KLHL1: variants seen among roughly 807,000 people sequenced by gnomAD.
The protein encoded by KLHL1 is kelch-like protein 1.
In KLHL1, 47 loss-of-function variants were observed where a neutral mutation model predicts 77.7. The observed-to-expected ratio is 0.60, with a 90% CI of 0.48 to 0.77. KLHL1 has a LOEUF of 0.77. KLHL1 is among the 30% of genes least tolerant of loss of function. The pLI is 0.00. For missense variants in KLHL1, 925 were observed against 910.8 expected (o/e 1.02, Z -0.20); for synonymous variants, 360 against 325.2 (o/e 1.11, Z -1.15).
chr13:69,813,503 C>CAT (rs1555270606), intron 6 of KLHL1, among the ~76,000 whole-genome samples: 1,951 of 148,888 alleles, frequency 0.013, 16 homozygotes, highest in African/African-American at 0.019. Context: ...CACACACACA[C>CAT]ATATATATAT....
chr13:69,861,785 T>TGA (rs1555274909), intron 5 of KLHL1, among the ~76,000 whole-genome samples: 1 of 86,016 alleles, frequency 1.2e-5, no homozygotes, highest in African/African-American at 4.7e-5. Flanking sequence ...CCGTCTCTAC[T>TGA]AAAAAAAAAA....
intron 1 of KLHL1, among the ~76,000 whole-genome samples, chr13:70,027,861 T>C (rs7985089): frequency 0.014 from 2,089 of 152,156 alleles, 54 homozygotes; most frequent in African/African-American, 0.048. Flanking sequence ...AGCCACTCCA[T>C]GCACAGTTAA....
At chr13:69,991,838 T>C (rs1885036887) in intron 1 of KLHL1, among the ~76,000 whole-genome samples, 2 of 151,986 alleles carry the variant, frequency 1.3e-5, no homozygotes, top group Non-Finnish European at 1.5e-5. Context: ...ATAAACATGA[T>C]AGGAGAATTT....
intron 1 of KLHL1, among the ~76,000 whole-genome samples, chr13:70,079,445 C>T (rs1282557705): frequency 6.6e-6 from 1 of 152,184 alleles, no homozygotes; most frequent in Non-Finnish European, 1.5e-5. Flanking sequence ...TAAATCTATT[C>T]ATGATGCCTA....
At chr13:69,802,688 AC>A (rs1877441131) in intron 6 of KLHL1, among the ~76,000 whole-genome samples, 1 of 148,318 alleles carries the variant, frequency 6.7e-6, no homozygotes, top group East Asian at 2.1e-4. Flanking sequence ...CCAGTCCCGT[AC>A]CCCCTGCTTG....
intron 7 of KLHL1, among the ~76,000 whole-genome samples, chr13:69,749,547 T>C (rs1319733385): frequency 6.6e-6 from 1 of 152,054 alleles, no homozygotes; most frequent in Admixed American, 6.6e-5. Flanking sequence ...TAGAAGTTTT[T>C]AAGATAGTTT....
At chr13:69,929,991 T>G (rs769224531) in intron 4 of KLHL1, among the ~76,000 whole-genome samples, 32 of 151,972 alleles carry the variant, frequency 2.1e-4, no homozygotes, top group African/African-American at 7.7e-4. Flanking sequence ...CCAGCTGATT[T>G]GGGAAGTTGG....
chr13:69,943,618 A>G (rs73510168), intron 3 of KLHL1, among the ~76,000 whole-genome samples: 11,311 of 152,174 alleles, frequency 0.074, 691 homozygotes, highest in African/African-American at 0.17. Flanking sequence ...GGTTACAGAA[A>G]CCTATATTTG....
At chr13:69,833,858 C>CATATATATATATACACACACATAT (rs1878872577) in intron 6 of KLHL1, among the ~76,000 whole-genome samples, 2 of 92,874 alleles carry the variant, frequency 2.2e-5, no homozygotes, top group Non-Finnish European at 4.3e-5. Context: ...CACATATATA[C>CATATATATATATACACACACATAT]ACACACACAC....
In KLHL1 at chr13:69,837,687, T is replaced by C. The variant is rs537192592; in HGVS notation, c.1414+1289A>G. 3.8e-4 allele frequency among the ~76,000 whole-genome samples: 53 copies of C among 138,096 alleles called. 2 individuals are homozygous for C. In the South Asian group the frequency reaches 4.1e-3, roughly 11 times the overall value. The allele number at this position is 138,096 out of a possible 152,430, so 90.6% of individuals were successfully genotyped here. Reference sequence around the variant, plus strand: ...GTGTGTGTGTATATATATATATATATACACATATATATATAGATCTCATAT... The same window carrying C: ...GTGTGTGTGTATATATATATATATACACACATATATATATAGATCTCATAT... On this transcript the variant is annotated intron_variant, in intron 6 of 10. Transcript: ENST00000377844.
chr13:69,825,731 A>G (rs1161471664), intron 6 of KLHL1, among the ~76,000 whole-genome samples: 1 of 152,138 alleles, frequency 6.6e-6, no homozygotes, highest in Non-Finnish European at 1.5e-5. Context: ...GGCTGAGGTG[A>G]TAAAGTTTCA....
intron 4 of KLHL1, among the ~76,000 whole-genome samples, chr13:69,890,149 G>A (rs979977220): frequency 1.3e-4 from 20 of 152,034 alleles, no homozygotes; most frequent in Admixed American, 1.2e-3. Flanking sequence ...ATAATAAGAA[G>A]AAAAATTTAG....
intron 6 of KLHL1, among the ~76,000 whole-genome samples, chr13:69,828,084 C>G (rs1878618004): frequency 6.7e-6 from 1 of 150,280 alleles, no homozygotes; most frequent in South Asian, 2.1e-4. Flanking sequence ...TGAGGAGACT[C>G]ACATAATGAA....
At chr13:69,716,685 T>A (rs1474309463) in intron 9 of KLHL1, among the ~76,000 whole-genome samples, 2 of 152,190 alleles carry the variant, frequency 1.3e-5, no homozygotes, top group African/African-American at 2.4e-5. Context: ...GTGGGACTGA[T>A]GCCTTTGAGC....
chr13:69,960,630 G>A (rs1232719020), intron 3 of KLHL1, among the ~76,000 whole-genome samples: 7 of 151,942 alleles, frequency 4.6e-5, no homozygotes, highest in African/African-American at 9.7e-5. Flanking sequence ...TGGTCTGTGA[G>A]CTTCATGAGG....
At chr13:70,037,343 G>T (rs143468065) in intron 1 of KLHL1, among the ~76,000 whole-genome samples, 1 of 151,924 alleles carries the variant, frequency 6.6e-6, no homozygotes, top group Admixed American at 6.5e-5. Flanking sequence ...CTATAAGCAC[G>T]TTGAACATAT....
Position 70,038,023 on chromosome 13 carries a change from T to G in KLHL1, c.498-62221A>C, listed in dbSNP as rs183427691. On this transcript the variant is annotated intron_variant, in intron 1 of 10. Coordinates refer to ENST00000377844, the MANE Select transcript of KLHL1 (RefSeq NM_020866.3). ...CACTAACAAAGCTCTCATTTTCTAC[T>G]GCTTTGTAATTACACTTACCTTTTC... 6.3e-3 allele frequency among the ~76,000 whole-genome samples: 955 copies of G among 152,306 alleles called. 8 individuals are homozygous for G. The highest frequency in any genetic ancestry group is 0.027 in the Middle Eastern group (8 of 294).
chr13:69,769,057 C>T (rs1361988950), intron 7 of KLHL1, among the ~76,000 whole-genome samples: 2 of 152,052 alleles, frequency 1.3e-5, no homozygotes, highest in Non-Finnish European at 2.9e-5. Context: ...TGAAAAATTG[C>T]TTAACTAATT....
intron 1 of KLHL1, among the ~76,000 whole-genome samples, chr13:70,012,784 G>C (rs1005582081): frequency 9.2e-5 from 14 of 151,842 alleles, no homozygotes; most frequent in African/African-American, 2.4e-4. Context: ...GGTGGTGGGC[G>C]CCTGTAGTCC....
Sources: gnomAD v4.1 joint callset for allele counts (sites outside exome capture counted in the v4.1 genomes callset) on GRCh38, gnomAD v4.1.1 for gene constraint, MANE v1.5 for transcripts, NCBI Gene and HGNC (gene_info 2026-07-23, HGNC 2026-07-21) for gene names.